Variants in DOCK8 observed in about 807,000 individuals in gnomAD.
DOCK8 encodes the protein dedicator of cytokinesis protein 8.
A neutral mutation model predicts 245.6 loss-of-function variants in DOCK8; 141 were observed. That is an observed-to-expected ratio of 0.57 (90% CI 0.50 to 0.66). DOCK8 has a LOEUF of 0.66. Ranked by LOEUF, DOCK8 falls within the 30% of genes least tolerant of loss-of-function variation. DOCK8 has a pLI of 0.00. For synonymous variants in DOCK8, 1,168 were observed against 970.2 expected, an observed-to-expected ratio of 1.20 and a Z score of -3.79; for missense variants, 2,965 against 2,603.4, an observed-to-expected ratio of 1.14 and a Z score of -3.02.
intron 9 of DOCK8, among the ~76,000 whole-genome samples, chr9:329,476 G>A (rs2050910801): frequency 6.6e-6 from 1 of 152,110 alleles, no homozygotes. Context: ...ATATAACAAA[G>A]ATTATGAGAG....
intron 14 of DOCK8, among the ~76,000 whole-genome samples, chr9:351,619 G>C (rs189093881): frequency 2.0e-5 from 3 of 152,332 alleles, no homozygotes; most frequent in African/African-American, 7.2e-5. Context: ...AGCAGGCTGT[G>C]TTAGCTCACA....
rs866148397 is a variant in DOCK8 at position 417,935 on chromosome 9, C to A, written c.3701-133C>A. The A allele has an allele frequency of 7.4e-6, 8 of 1,088,344 alleles. No homozygotes were observed. In the Middle Eastern group the frequency reaches 7.9e-4, roughly 107 times the overall value. The allele number at this position is 1,088,344 out of a possible 1,614,324, so 67.4% of individuals were successfully genotyped here. On this transcript the variant is annotated intron_variant, in intron 29 of 47. Coordinates refer to ENST00000432829, the MANE Select transcript of DOCK8 (RefSeq NM_203447.4). ...GTTTTCCTATAGGTGATAGCAGATA[C>A]ATAATGCTAAACATCAGGTTTGAAA...
intron 4 of DOCK8, among the ~76,000 whole-genome samples, chr9:300,694 A>G (rs2049503004): frequency 6.6e-6 from 1 of 152,182 alleles, no homozygotes. Context: ...AATATAAAAA[A>G]TCCTCAGAGA....
In DOCK8 at chr9:298,995, A is replaced by G. The variant is rs140654657; in HGVS notation, c.405-5586A>G. On this transcript the variant is annotated intron_variant, in intron 4 of 47. Coordinates refer to ENST00000432829, the MANE Select transcript of DOCK8 (RefSeq NM_203447.4). ...TGTTAGGATAAATTAATGTTAGATA[A>G]ATTCTTTGGTAATTTTTCCCCCTAA... Among the ~76,000 whole-genome samples, 232 of 152,236 alleles carry G rather than the reference A, an allele frequency of 1.5e-3. 1 individual carries two copies. Among genetic ancestry groups the G allele is most frequent in the African/African-American group, 5.4e-3 (225 of 41,544 alleles).
chr9:347,044 C>T (rs562447014), intron 14 of DOCK8, among the ~76,000 whole-genome samples: 5 of 152,116 alleles, frequency 3.3e-5, no homozygotes, highest in Admixed American at 1.3e-4. Flanking sequence ...GGTTGTGCAT[C>T]AGAGTAAGTG....
At position 312,403 on chromosome 9, in the gene DOCK8, CA is replaced by C. The variant is rs1055071396; in HGVS notation, c.741+241del. 3 of 648,732 alleles carry C rather than the reference CA, an allele frequency of 4.6e-6. No individual in the cohort carries two copies. The African/African-American group carries it at 5.3e-5, about 12-fold the overall frequency. 40.2% of individuals were successfully genotyped at this position (648,732 alleles called of 1,614,324 possible). A position where few individuals can be genotyped will look rare whatever the true frequency, so the allele number is the denominator to read the frequency against. On this transcript the variant is annotated intron_variant, in intron 6 of 47. Coordinates refer to ENST00000432829, the MANE Select transcript of DOCK8 (RefSeq NM_203447.4). ...CAACTGGAATTTTCATAGCACTTTA[CA>C]AAATATGTTCACTAAGAGCATCTCA...
chr9:227,965 A>T (rs2047026060), intron 1 of DOCK8, among the ~76,000 whole-genome samples: 1 of 152,196 alleles, frequency 6.6e-6, no homozygotes, highest in African/African-American at 2.4e-5. Context: ...ATGAGGGCAA[A>T]GAGCCATTGG....
At chr9:450,053 A>T (rs761007693) in intron 45 of DOCK8, 126 bp downstream of exon 45, 5 of 1,089,984 alleles carry the variant, frequency 4.6e-6, no homozygotes, top group Non-Finnish European at 6.6e-6. Context: ...AAATGTTCCT[A>T]CACTTAACCT....
chr9:322,386 A>G (rs550492086), intron 7 of DOCK8, among the ~76,000 whole-genome samples: 2 of 130,744 alleles, frequency 1.5e-5, no homozygotes, highest in Admixed American at 7.7e-5. Context: ...TTCTGTGATC[A>G]GAGATGGCTG....
intron 14 of DOCK8, among the ~76,000 whole-genome samples, chr9:343,749 A>G (rs1404978365): frequency 6.6e-6 from 1 of 152,224 alleles, no homozygotes; most frequent in African/African-American, 2.4e-5. Flanking sequence ...TGAAGGCATG[A>G]AAATGTTTGC....
chr9:277,722 ATGAATTAGCT>A (rs1438838040), intron 2 of DOCK8, among the ~76,000 whole-genome samples: 7 of 152,144 alleles, frequency 4.6e-5, no homozygotes, highest in Non-Finnish European at 1.0e-4. Context: ...GTGAAATGGA[ATGAATTAGCT>A]GGACCATAAC....
intron 1 of DOCK8, among the ~76,000 whole-genome samples, chr9:240,890 G>A (rs1026492230): frequency 2.0e-5 from 3 of 152,118 alleles, no homozygotes; most frequent in Non-Finnish European, 2.9e-5. Flanking sequence ...CCATAGGGCT[G>A]TTATGAGAAC....
intron 2 of DOCK8, among the ~76,000 whole-genome samples, chr9:285,167 T>TA (rs1014567381): frequency 2.0e-5 from 3 of 152,112 alleles, no homozygotes; most frequent in Admixed American, 6.5e-5. Context: ...CTCCCTAACT[T>TA]ACGCCACTCA....
At chr9:359,699 A>G (rs1430155255) in intron 14 of DOCK8, among the ~76,000 whole-genome samples, 1 of 152,098 alleles carries the variant, frequency 6.6e-6, no homozygotes, top group Non-Finnish European at 1.5e-5. Flanking sequence ...TATAGAGAGT[A>G]AAAAGCGCCA....
chr9:276,399 G>A (rs2048348061), intron 2 of DOCK8, among the ~76,000 whole-genome samples: 1 of 152,192 alleles, frequency 6.6e-6, no homozygotes, highest in Non-Finnish European at 1.5e-5. Flanking sequence ...TATGTTTGAT[G>A]TTGATTTTTC....
chr9:392,120 AAG>A (rs765212701), intron 24 of DOCK8, among the ~76,000 whole-genome samples: 1 of 151,692 alleles, frequency 6.6e-6, no homozygotes, highest in Non-Finnish European at 1.5e-5. Flanking sequence ...CCTGGGCAAA[AAG>A]AGCAAAACTC....
chr9:397,350 C>A (rs368122584), intron 25 of DOCK8, among the ~76,000 whole-genome samples: 3,807 of 85,672 alleles, frequency 0.044, no homozygotes, highest in Middle Eastern at 0.14. Flanking sequence ...GACTCTGTCT[C>A]AAAAAAAAAA....
chr9:256,565 C>A (rs1278098551), intron 1 of DOCK8, among the ~76,000 whole-genome samples: 1 of 152,194 alleles, frequency 6.6e-6, no homozygotes, highest in Non-Finnish European at 1.5e-5. Context: ...TTCCTTTGCT[C>A]TGTGAATAAC....
Position 334,276 on chromosome 9 carries a change from C to A in DOCK8, c.1177C>A (p.Arg393Ser). ...LKLQAESFCQ[R>S]LGKYRMPFAW... ...ACTCCAAGCTGAATCCTTCTGCCAG[C>A]GTTTGGGGAAATACCGGATGCCCTT... The change falls in exon 11 of 48, where the codon CGT becomes AGT. Residue 393 changes from arginine to serine, a missense_variant. Transcript: ENST00000432829. The A allele has an allele frequency of 6.2e-7, 1 of 1,614,182 alleles. No individual in the cohort carries two copies. Among genetic ancestry groups the A allele is most frequent in the Non-Finnish European group, 8.5e-7 (1 of 1,180,018 alleles).
Sources: gnomAD v4.1 joint callset for allele counts (sites outside exome capture counted in the v4.1 genomes callset) on GRCh38, gnomAD v4.1.1 for gene constraint, MANE v1.5 for transcripts, NCBI Gene and HGNC (gene_info 2026-07-23, HGNC 2026-07-21) for gene names.